TOX: variants seen among roughly 807,000 people sequenced by gnomAD.
TOX encodes thymocyte selection associated high mobility group box.
A neutral mutation model predicts 53.7 loss-of-function variants in TOX; 11 were observed. That is an observed-to-expected ratio of 0.20 (90% CI 0.13 to 0.34). The LOEUF (loss-of-function observed/expected upper bound fraction) is 0.34, where lower values mean the gene tolerates loss of function less well. Ranked by LOEUF, TOX falls within the 10% of genes least tolerant of loss-of-function variation. The pLI is 1.00. For missense variants in TOX, 570 were observed against 664.6 expected, an observed-to-expected ratio of 0.86 and a Z score of 1.56; for synonymous variants, 225 against 245.3, an observed-to-expected ratio of 0.92 and a Z score of 0.77.
In TOX at chr8:58,865,415, C is replaced by A. The variant is rs541506505; in HGVS notation, c.412-13610G>T. On this transcript the variant is annotated intron_variant, in intron 3 of 8. Transcript: ENST00000361421. ...TGTTTTTAAAAATTTAATTTGGTATCCTCGTACTTTTTTTTTTTTAGTTTT... is the reference window on the plus strand; with the variant it reads ...TGTTTTTAAAAATTTAATTTGGTATACTCGTACTTTTTTTTTTTTAGTTTT... Among the ~76,000 whole-genome samples the A allele has an allele frequency of 3.0e-4, 46 of 152,018 alleles. 1 individual carries two copies. The highest frequency in any genetic ancestry group is 2.7e-3 in the Admixed American group (41 of 15,252).
chr8:58,982,285 C>T (rs1038102002), intron 1 of TOX, among the ~76,000 whole-genome samples: 3 of 152,214 alleles, frequency 2.0e-5, no homozygotes, highest in African/African-American at 7.2e-5. Flanking sequence ...CCTTTCCTTA[C>T]TCCTGAGTGC....
chr8:58,995,950 T>G (rs1395557914), intron 1 of TOX, among the ~76,000 whole-genome samples: 3 of 152,202 alleles, frequency 2.0e-5, no homozygotes, highest in African/African-American at 4.8e-5. Context: ...TTTAATTTAC[T>G]TGTCCCAGAT....
Position 59,034,767 on chromosome 8 carries a change from T to C in TOX, c.103-74759A>G, listed in dbSNP as rs530274020. Reference sequence around the variant, plus strand: ...GGCAAGTTAGAGAAAGAAAAGGCAATAATAATTAGAACAAATACCTACACG... The same window carrying C: ...GGCAAGTTAGAGAAAGAAAAGGCAACAATAATTAGAACAAATACCTACACG... On this transcript the variant is annotated intron_variant, in intron 1 of 8. Coordinates refer to ENST00000361421, the MANE Select transcript of TOX (RefSeq NM_014729.3). Among the ~76,000 whole-genome samples the C allele has an allele frequency of 7.2e-5, 11 of 152,026 alleles. No individual in the cohort carries two copies. In the South Asian group the frequency reaches 2.1e-3, roughly 29 times the overall value.
Position 58,834,261 on chromosome 8 carries a change from G to T in TOX, c.924+3820C>A, listed in dbSNP as rs145554546. On this transcript the variant is annotated intron_variant, in intron 5 of 8. Transcript: ENST00000361421. ...GTAGCTGTTCATAATTGTGGGCTAT[G>T]ATGACAACAGGATTTTGGAACAATT... is the stretch of plus-strand genomic sequence containing the variant. 1.1e-3 allele frequency among the ~76,000 whole-genome samples: 162 copies of T among 152,282 alleles called. 4 individuals are homozygous for T. In the East Asian group the frequency reaches 0.027, roughly 26 times the overall value.
intron 1 of TOX, among the ~76,000 whole-genome samples, chr8:59,037,826 G>A (rs905737587): frequency 4.2e-5 from 6 of 141,790 alleles, no homozygotes; most frequent in Non-Finnish European, 7.5e-5. Context: ...AAAAAAATTT[G>A]TACTTTTTCT....
chr8:59,063,712 C>A (rs557471730), intron 1 of TOX, among the ~76,000 whole-genome samples: 1 of 152,082 alleles, frequency 6.6e-6, no homozygotes, highest in East Asian at 1.9e-4. Context: ...TAAGCCACTG[C>A]GCCCGGCCCG....
intron 1 of TOX, among the ~76,000 whole-genome samples, chr8:59,097,831 T>C (rs990830178): frequency 2.6e-5 from 4 of 152,364 alleles, no homozygotes; most frequent in African/African-American, 9.6e-5. Context: ...CCTGTAAGCA[T>C]AAAGATTATC....
chr8:59,100,007 T>C (rs765019027), intron 1 of TOX, among the ~76,000 whole-genome samples: 2 of 152,184 alleles, frequency 1.3e-5, no homozygotes. Context: ...AGTTTCCATT[T>C]AAAGACATGG....
chr8:58,907,856 G>A (rs890470769), intron 3 of TOX, among the ~76,000 whole-genome samples: 12 of 152,104 alleles, frequency 7.9e-5, no homozygotes, highest in Non-Finnish European at 1.3e-4. Context: ...GCCTATATGA[G>A]GCAAGTAATC....
intron 3 of TOX, among the ~76,000 whole-genome samples, chr8:58,859,283 A>G (rs1049669958): frequency 6.6e-6 from 1 of 152,192 alleles, no homozygotes; most frequent in Admixed American, 6.5e-5. Flanking sequence ...ATTTTTAAAG[A>G]TTGAGACAAG....
chr8:58,876,546 T>C (rs1811287827), intron 3 of TOX, among the ~76,000 whole-genome samples: 1 of 152,188 alleles, frequency 6.6e-6, no homozygotes, highest in African/African-American at 2.4e-5. Context: ...TTAATCTGAT[T>C]GTTTTCCTCA....
At chr8:58,837,467 G>A (rs1810565962) in intron 5 of TOX, among the ~76,000 whole-genome samples, 1 of 152,072 alleles carries the variant, frequency 6.6e-6, no homozygotes, top group African/African-American at 2.4e-5. Flanking sequence ...AGCTATTTAT[G>A]CTGTGTCCGT....
intron 3 of TOX, among the ~76,000 whole-genome samples, chr8:58,886,227 C>T (rs1183624236): frequency 6.6e-6 from 1 of 152,116 alleles, no homozygotes; most frequent in Non-Finnish European, 1.5e-5. Context: ...CCCCAGCCTA[C>T]CACCCTCATA....
At chr8:58,871,434 T>A (rs1168225718) in intron 3 of TOX, among the ~76,000 whole-genome samples, 3 of 152,092 alleles carry the variant, frequency 2.0e-5, no homozygotes, top group African/African-American at 7.2e-5. Context: ...ATTGGGGGAA[T>A]CTCAGGATGA....
At chr8:59,111,134 G>T (rs1044253684) in intron 1 of TOX, among the ~76,000 whole-genome samples, 1 of 152,144 alleles carries the variant, frequency 6.6e-6, no homozygotes, top group African/African-American at 2.4e-5. Context: ...CTTCTCAAGA[G>T]AATGGGAAAC....
At chr8:58,812,386 C>T (rs566596300) in intron 7 of TOX, among the ~76,000 whole-genome samples, 16 of 152,270 alleles carry the variant, frequency 1.1e-4, no homozygotes, top group South Asian at 4.2e-4. Flanking sequence ...GGCCTCCTTC[C>T]GATCTCCTGG....
chr8:58,900,161 T>C (rs968299888), intron 3 of TOX, among the ~76,000 whole-genome samples: 2 of 152,160 alleles, frequency 1.3e-5, no homozygotes, highest in African/African-American at 4.8e-5. Context: ...TATTTACTTA[T>C]GAACAAAGAA....
intron 3 of TOX, among the ~76,000 whole-genome samples, chr8:58,864,719 A>G (rs891811492): frequency 6.6e-6 from 1 of 152,176 alleles, no homozygotes; most frequent in Non-Finnish European, 1.5e-5. Context: ...GTTTTCTAGA[A>G]GGGAAGAATG....
At chr8:59,078,776 G>A (rs147477578) in intron 1 of TOX, among the ~76,000 whole-genome samples, 11 of 152,312 alleles carry the variant, frequency 7.2e-5, no homozygotes, top group Non-Finnish European at 1.3e-4. Context: ...GGAACAGTTT[G>A]GAGGGCTCAG....
Sources: allele counts gnomAD v4.1 joint callset (sites outside exome capture counted in the v4.1 genomes callset), GRCh38; gene constraint gnomAD v4.1.1; transcripts MANE v1.5; gene names NCBI Gene and HGNC (gene_info 2026-07-23, HGNC 2026-07-21).